Variants in SGCZ observed in about 807,000 individuals in gnomAD.
SGCZ encodes zeta-sarcoglycan.
In SGCZ, 40 loss-of-function variants were observed where a neutral mutation model predicts 41.3. The ratio of observed to expected loss-of-function variants is 0.97; its 90% confidence interval spans 0.75 to 1.26. The LOEUF is 1.26. Among genes scored for constraint, SGCZ ranks in the 50% most tolerant of loss-of-function variants. The probability of loss-of-function intolerance (pLI) is 0.00; values close to 1 mark genes in which losing one functional copy is unlikely to be tolerated. For missense variants in SGCZ, 552 were observed against 369.8 expected (o/e 1.49, Z -4.04); for synonymous variants, 206 against 137.5 (o/e 1.50, Z -3.49).
chr8:14,506,052 T>C (rs1372603335), intron 2 of SGCZ, among the ~76,000 whole-genome samples: 1 of 151,994 alleles, frequency 6.6e-6, no homozygotes, highest in African/African-American at 2.4e-5. Flanking sequence ...AAAACAATTT[T>C]CTGGGCCAGG....
At chr8:14,814,798 A>C (rs776099850) in intron 1 of SGCZ, among the ~76,000 whole-genome samples, 19 of 152,136 alleles carry the variant, frequency 1.2e-4, no homozygotes, top group Non-Finnish European at 2.4e-4. Flanking sequence ...AGGTATTATG[A>C]CTGAAAACAG....
chr8:14,229,960 T>G (rs1214033230), intron 4 of SGCZ, among the ~76,000 whole-genome samples: 2 of 152,102 alleles, frequency 1.3e-5, no homozygotes, highest in African/African-American at 4.8e-5. Flanking sequence ...AAATAAAACT[T>G]TTTATATGCC....
chr8:14,624,834 G>T, intron 1 of SGCZ, among the ~76,000 whole-genome samples: 1 of 152,020 alleles, frequency 6.6e-6, no homozygotes. Flanking sequence ...GCCTCCCAAA[G>T]TGCTGGGATT....
intron 2 of SGCZ, among the ~76,000 whole-genome samples, chr8:14,378,911 T>C (rs1804249833): frequency 6.6e-6 from 1 of 152,214 alleles, no homozygotes; most frequent in South Asian, 2.1e-4. Flanking sequence ...ATTTGACTTA[T>C]AAGAGCTTTT....
chr8:14,895,360 G>A (rs890036176), intron 1 of SGCZ, among the ~76,000 whole-genome samples: 1 of 152,018 alleles, frequency 6.6e-6, no homozygotes, highest in African/African-American at 2.4e-5. Context: ...AATAATTAAA[G>A]TAACCAGGAC....
At chr8:14,820,591 G>A (rs144880796) in intron 1 of SGCZ, among the ~76,000 whole-genome samples, 1 of 152,152 alleles carries the variant, frequency 6.6e-6, no homozygotes, top group Admixed American at 6.5e-5. Flanking sequence ...TTACATGTTA[G>A]ATCACAAACG....
At chr8:15,115,967 T>C (rs1160529481) in intron 1 of SGCZ, among the ~76,000 whole-genome samples, 1 of 152,206 alleles carries the variant, frequency 6.6e-6, no homozygotes, top group African/African-American at 2.4e-5. Context: ...ATAGAAAGTA[T>C]TTTAGGTTTC....
At chr8:14,203,510 T>A (rs569052759) in intron 4 of SGCZ, among the ~76,000 whole-genome samples, 33 of 152,318 alleles carry the variant, frequency 2.2e-4, no homozygotes, top group South Asian at 1.0e-3. Flanking sequence ...AAATTTTTAT[T>A]TCACTGGATT....
chr8:14,724,582 G>T (rs893287779), intron 1 of SGCZ, among the ~76,000 whole-genome samples: 1 of 151,362 alleles, frequency 6.6e-6, no homozygotes, highest in African/African-American at 2.4e-5. Flanking sequence ...AAATTCATTT[G>T]TATTATTCAG....
intron 1 of SGCZ, among the ~76,000 whole-genome samples, chr8:14,883,509 C>T (rs1804671472): frequency 6.6e-6 from 1 of 151,986 alleles, no homozygotes; most frequent in Non-Finnish European, 1.5e-5. Flanking sequence ...TGATCCAATC[C>T]TTATTTTATT....
chr8:14,984,919 A>T (rs757584201), intron 1 of SGCZ, among the ~76,000 whole-genome samples: 1 of 101,260 alleles, frequency 9.9e-6, no homozygotes, highest in Non-Finnish European at 2.1e-5. Context: ...TGCCACCTTC[A>T]TAACTTTTTT....
chr8:14,428,537 G>T (rs1483780939), intron 2 of SGCZ, among the ~76,000 whole-genome samples: 1 of 152,078 alleles, frequency 6.6e-6, no homozygotes, highest in Non-Finnish European at 1.5e-5. Flanking sequence ...ACTAACGATT[G>T]GTTATGACCA....
At chr8:14,669,138 C>T (rs1808012755) in intron 1 of SGCZ, among the ~76,000 whole-genome samples, 1 of 151,706 alleles carries the variant, frequency 6.6e-6, no homozygotes, top group South Asian at 2.1e-4. Flanking sequence ...AGTCCAACAC[C>T]AGCCTGAGCA....
intron 3 of SGCZ, among the ~76,000 whole-genome samples, chr8:14,291,941 T>C (rs35521161): frequency 0.53 from 79,839 of 151,874 alleles, 23,827 homozygotes; most frequent in Non-Finnish European, 0.67. Context: ...ACTACTTTAA[T>C]AACATATTCA....
chr8:14,311,766 C>G (rs1283905400), intron 3 of SGCZ, among the ~76,000 whole-genome samples: 1 of 151,250 alleles, frequency 6.6e-6, no homozygotes, highest in Non-Finnish European at 1.5e-5. Flanking sequence ...ATTCATTCAC[C>G]CAGTAAAGTG....
intron 4 of SGCZ, among the ~76,000 whole-genome samples, chr8:14,189,460 A>G (rs977525288): frequency 1.4e-4 from 21 of 152,112 alleles, no homozygotes; most frequent in African/African-American, 5.1e-4. Context: ...TTTATTCCCA[A>G]TAATCCTTTT....
chr8:14,773,160 G>T (rs1012346547), intron 1 of SGCZ, among the ~76,000 whole-genome samples: 4 of 152,080 alleles, frequency 2.6e-5, no homozygotes, highest in Admixed American at 2.6e-4. Flanking sequence ...GTTTTGATTT[G>T]CATTTCTCTG....
chr8:14,810,479 G>A (rs1279134905), intron 1 of SGCZ, among the ~76,000 whole-genome samples: 1 of 151,812 alleles, frequency 6.6e-6, no homozygotes, highest in Non-Finnish European at 1.5e-5. Context: ...ATATAATAAT[G>A]TATCAGGAAT....
chr8:14,687,363 G>T (rs865818893), intron 1 of SGCZ, among the ~76,000 whole-genome samples: 1 of 136,950 alleles, frequency 7.3e-6, no homozygotes, highest in Non-Finnish European at 1.6e-5. Context: ...CCCCACAACA[G>T]TTCCCAGAGT....
Sources: allele counts gnomAD v4.1 joint callset (sites outside exome capture counted in the v4.1 genomes callset), GRCh38; gene constraint gnomAD v4.1.1; transcripts MANE v1.5; gene names NCBI Gene and HGNC (gene_info 2026-07-23, HGNC 2026-07-21).